The following CLEC12A variants were observed in gnomAD, a reference collection of about 807,000 sequenced individuals.
CLEC12A encodes the protein C-type lectin protein CLL-1.
In CLEC12A, 22 loss-of-function variants were observed where a neutral mutation model predicts 26.5. The ratio of observed to expected loss-of-function variants is 0.83; its 90% CI spans 0.59 to 1.19. The LOEUF is 1.19. Ranked by LOEUF, CLEC12A falls within the 50% of genes most tolerant of loss-of-function variation. The pLI is 0.00. For synonymous variants in CLEC12A, 119 were observed against 101.9 expected (o/e 1.17, Z -1.01); for missense variants, 353 against 315.6 (o/e 1.12, Z -0.90).
At chr12:9,992,971 T>A in intron 4 of CLEC12A, 1 of 584,940 alleles carries the variant, frequency 1.7e-6, no homozygotes, top group Non-Finnish European at 3.0e-6. Context: ...CGTGATGGCT[T>A]CTGTATATTC....
At chr12:10,001,775 C>T in the CLEC12A span, among the ~76,000 whole-genome samples, 1 of 152,068 alleles carries the variant, frequency 6.6e-6, no homozygotes, top group Non-Finnish European at 1.5e-5. Context: ...CTCCAAGTCC[C>T]GTTATTAGCT....
At chr12:10,002,126 C>A in the CLEC12A span, among the ~76,000 whole-genome samples, 40 of 152,204 alleles carry the variant, frequency 2.6e-4, no homozygotes, top group African/African-American at 9.4e-4. Context: ...CGTGATCCAC[C>A]CGCCTCGGCC....
intron 1 of CLEC12A, among the ~76,000 whole-genome samples, chr12:9,965,798 C>T (rs1439339466): frequency 1.3e-5 from 2 of 151,930 alleles, no homozygotes; most frequent in African/African-American, 2.4e-5. Context: ...CCTTTTAAAG[C>T]GTGCTGTGGG....
At chr12:10,000,068 A>C (rs1464733305), downstream of CLEC12A, among the ~76,000 whole-genome samples, 1 of 152,194 alleles carries the variant, frequency 6.6e-6, no homozygotes, top group Admixed American at 6.5e-5. Context: ...GATGTTGTCT[A>C]TTTTGCCATA....
At chr12:9,966,145 C>T (rs1863941838) in intron 1 of CLEC12A, among the ~76,000 whole-genome samples, 1 of 152,114 alleles carries the variant, frequency 6.6e-6, no homozygotes, top group Non-Finnish European at 1.5e-5. Flanking sequence ...GGTTTAGAAG[C>T]CTGGCCATCA....
At chr12:9,956,309 A>G (rs1863740555) in intron 1 of CLEC12A, among the ~76,000 whole-genome samples, 1 of 152,232 alleles carries the variant, frequency 6.6e-6, no homozygotes, top group South Asian at 2.1e-4. Context: ...TTATTTCTTT[A>G]ATCAATAAGA....
chr12:9,981,881 T>A, intron 4 of CLEC12A, 139 bp from the exon 5 acceptor site: 1 of 506,058 alleles, frequency 2.0e-6, no homozygotes, highest in Non-Finnish European at 3.4e-6. Context: ...TCTTTCAATT[T>A]CTTATAATGA....
At chr12:10,004,479 C>G in the CLEC12A span, among the ~76,000 whole-genome samples, 1 of 152,050 alleles carries the variant, frequency 6.6e-6, no homozygotes, top group Admixed American at 6.5e-5. Context: ...CCAAACTACT[C>G]TCTGACCACT....
chr12:9,952,293 C>G (rs1045016731), intron 1 of CLEC12A, among the ~76,000 whole-genome samples: 1 of 150,632 alleles, frequency 6.6e-6, no homozygotes, highest in Non-Finnish European at 1.5e-5. Context: ...CTGCCTGATT[C>G]TCCTGCCTCA....
chr12:9,952,639 G>C (rs1374600738), intron 1 of CLEC12A: 1 of 156,678 alleles, frequency 6.4e-6, no homozygotes, highest in East Asian at 2.1e-4. Flanking sequence ...GCCACCCATC[G>C]TCTGGGATGT....
chr12:9,984,217 A>G (rs1864680323), intron 5 of CLEC12A: 1 of 152,566 alleles, frequency 6.6e-6, no homozygotes, highest in Admixed American at 6.5e-5. Context: ...GTCACCACAA[A>G]TAAATCTCAT....
At chr12:9,993,262 C>T in intron 4 of CLEC12A, 3 of 1,612,752 alleles carry the variant, frequency 1.9e-6, no homozygotes, top group African/African-American at 1.3e-5. Context: ...TTCATATTTC[C>T]TTTTCCATCT....
chr12:9,962,531 A>G (rs1863851236), intron 1 of CLEC12A, among the ~76,000 whole-genome samples: 1 of 152,130 alleles, frequency 6.6e-6, no homozygotes. Flanking sequence ...GAGTCCGAAA[A>G]GAGAGTCAGC....
At position 9,983,777 on chromosome 12, in the gene CLEC12A, T is replaced by C. The variant is rs1591837467; in HGVS notation, c.642-1093T>C. 7 of 407,590 alleles carry C rather than the reference T, an allele frequency of 1.7e-5. No individual in the cohort carries two copies. The East Asian group carries it at 2.9e-4, about 17-fold the overall frequency. 25.2% of individuals were successfully genotyped at this position (407,590 alleles called of 1,614,324 possible). On this transcript the variant is annotated intron_variant, in intron 5 of 5. Transcript: ENST00000304361. ...TTTTCTTTCACATAGAAATAGTAAGTGTAGGAGTGTGGGTCAGAAAGAAAA... is the reference window on the plus strand; with the variant it reads ...TTTTCTTTCACATAGAAATAGTAAGCGTAGGAGTGTGGGTCAGAAAGAAAA...
At chr12:9,962,852 T>G (rs1331751647) in intron 1 of CLEC12A, among the ~76,000 whole-genome samples, 1 of 152,182 alleles carries the variant, frequency 6.6e-6, no homozygotes, top group East Asian at 1.9e-4. Flanking sequence ...CATTCCTGTC[T>G]CCTTATATTA....
intron 3 of CLEC12A, among the ~76,000 whole-genome samples, chr12:9,979,873 T>C (rs1864482540): frequency 6.6e-6 from 1 of 151,138 alleles, no homozygotes; most frequent in African/African-American, 2.4e-5. Context: ...GACTTCATTC[T>C]TAAATTTCAG....
the CLEC12A span, among the ~76,000 whole-genome samples, chr12:10,004,466 C>A: frequency 4.4e-3 from 666 of 152,130 alleles, 4 homozygotes; most frequent in African/African-American, 0.015. Context: ...GGCCATCCAA[C>A]GGCCAAACTA....
downstream of CLEC12A, chr12:9,985,693 A>C: frequency 2.6e-6 from 1 of 380,578 alleles, no homozygotes. Context: ...AAACATAAGC[A>C]TTGTTCTGAA....
At chr12:9,982,750 A>G (rs1446675135) in intron 5 of CLEC12A, among the ~76,000 whole-genome samples, 1 of 152,126 alleles carries the variant, frequency 6.6e-6, no homozygotes, top group Non-Finnish European at 1.5e-5. Flanking sequence ...GATAGTGTAC[A>G]CTGTACCCAA....
Sources: gnomAD v4.1 joint callset for allele counts (sites outside exome capture counted in the v4.1 genomes callset) on GRCh38, gnomAD v4.1.1 for gene constraint, MANE v1.5 for transcripts, NCBI Gene and HGNC (gene_info 2026-07-23, HGNC 2026-07-21) for gene names.